Variants in TENM1 observed in about 807,000 individuals in gnomAD.
TENM1 encodes teneurin transmembrane protein 1.
In TENM1, 35 loss-of-function variants were observed where a neutral mutation model predicts 174.8. That is an observed-to-expected ratio of 0.20 (90% CI 0.15 to 0.27). TENM1 has a LOEUF of 0.27. TENM1 is among the 10% of genes least tolerant of loss of function. The probability of loss-of-function intolerance (pLI) is 1.00; values close to 1 mark genes in which losing one functional copy is unlikely to be tolerated. For missense variants in TENM1, 1,633 were observed against 2,130.1 expected, an observed-to-expected ratio of 0.77 and a Z score of 4.59; for synonymous variants, 781 against 798.7, an observed-to-expected ratio of 0.98 and a Z score of 0.37.
chrX:124,397,781 A>T (rs1446497046), intron 27 of TENM1, among the ~76,000 whole-genome samples: 1 of 108,614 alleles, frequency 9.2e-6, no homozygotes, highest in East Asian at 3.0e-4. Context: ...TATTTTTAGT[A>T]GAGACGGGGT....
intron 16 of TENM1, among the ~76,000 whole-genome samples, chrX:124,529,640 C>A (rs921350455): frequency 1.8e-5 from 2 of 111,545 alleles, no homozygotes; most frequent in African/African-American, 6.5e-5. Flanking sequence ...GGATAGAAAA[C>A]TTTTCACATG....
At chrX:124,970,974 A>C in the TENM1 span, among the ~76,000 whole-genome samples, 1 of 109,598 alleles carries the variant, frequency 9.1e-6, no homozygotes, top group Non-Finnish European at 1.9e-5. Flanking sequence ...GGATGAGTTC[A>C]TGTCCTTTGT....
At chrX:125,144,917 T>C in the TENM1 span, among the ~76,000 whole-genome samples, 1 of 109,850 alleles carries the variant, frequency 9.1e-6, no homozygotes, top group Non-Finnish European at 1.9e-5. Flanking sequence ...TAATTTTTTG[T>C]ATTTTTTTTT....
the TENM1 span, among the ~76,000 whole-genome samples, chrX:125,112,862 T>A: frequency 9.0e-6 from 1 of 111,336 alleles, no homozygotes; most frequent in Non-Finnish European, 1.9e-5. Flanking sequence ...GCTCAACTTG[T>A]TAAGATACCA....
chrX:124,934,700 A>G (rs2147729725), intron 1 of TENM1, among the ~76,000 whole-genome samples: 1 of 111,751 alleles, frequency 8.9e-6, no homozygotes, highest in Admixed American at 9.5e-5. Context: ...AGTAGAAACA[A>G]AAGGGCTATA....
chrX:124,498,900 C>T (rs1000392710), intron 19 of TENM1, among the ~76,000 whole-genome samples: 2 of 111,187 alleles, frequency 1.8e-5, no homozygotes, highest in East Asian at 5.7e-4. Flanking sequence ...TATAAGTGCT[C>T]GGTAAATGTT....
chrX:124,756,181 T>C (rs1280665341), intron 3 of TENM1, among the ~76,000 whole-genome samples: 4 of 101,224 alleles, frequency 4.0e-5, no homozygotes, highest in African/African-American at 1.3e-4. Context: ...GGAGGCTTTG[T>C]TCGTTTCTTT....
chrX:124,544,693 G>A (rs1191780278), intron 15 of TENM1, among the ~76,000 whole-genome samples: 1 of 111,856 alleles, frequency 8.9e-6, no homozygotes, highest in African/African-American at 3.2e-5. Context: ...CATTTACCTA[G>A]TATAAATTTG....
chrX:124,473,256 A>G (rs1413246481), intron 22 of TENM1, among the ~76,000 whole-genome samples: 1 of 111,679 alleles, frequency 9.0e-6, no homozygotes, highest in Non-Finnish European at 1.9e-5. Flanking sequence ...TGCCACCTAG[A>G]AACTACTAAA....
intron 2 of TENM1, among the ~76,000 whole-genome samples, chrX:124,894,630 C>T (rs2057531658): frequency 9.0e-6 from 1 of 111,665 alleles, no homozygotes; most frequent in African/African-American, 3.3e-5. Context: ...AGAAGAATAG[C>T]AGAGCCCAGT....
intron 11 of TENM1, among the ~76,000 whole-genome samples, chrX:124,576,278 T>G (rs1480982481): frequency 9.0e-6 from 1 of 111,477 alleles, no homozygotes; most frequent in Non-Finnish European, 1.9e-5. Context: ...CAGGCCGGTC[T>G]CGAACTCCTG....
chrX:124,661,528 T>C (rs2051600752), intron 6 of TENM1, among the ~76,000 whole-genome samples: 1 of 111,779 alleles, frequency 8.9e-6, no homozygotes, highest in South Asian at 3.7e-4. Context: ...GGGATGCCCA[T>C]TTTCTATATT....
At chrX:125,178,859 C>T in the TENM1 span, among the ~76,000 whole-genome samples, 20 of 110,656 alleles carry the variant, frequency 1.8e-4, no homozygotes, top group African/African-American at 5.6e-4. Flanking sequence ...ATAGTCCCAA[C>T]CACTCAGGAG....
chrX:124,623,437 TTTCTGTTTCAAATACA>T (rs1440400070), intron 11 of TENM1, among the ~76,000 whole-genome samples: 6 of 111,995 alleles, frequency 5.4e-5, no homozygotes, highest in Non-Finnish European at 1.1e-4. Flanking sequence ...AGTGTGAATC[TTTCTGTTTCAAATACA>T]TGCTTGGAGA....
At chrX:125,117,718 A>T in the TENM1 span, among the ~76,000 whole-genome samples, 1 of 111,612 alleles carries the variant, frequency 9.0e-6, no homozygotes, top group Admixed American at 9.5e-5. Context: ...AAAAGTCAAA[A>T]AAACAACAAA....
the TENM1 span, among the ~76,000 whole-genome samples, chrX:125,065,863 G>A: frequency 9.8e-5 from 11 of 111,789 alleles, no homozygotes; most frequent in Non-Finnish European, 2.1e-4. Flanking sequence ...GTGAGCATAG[G>A]CTGTGTAAAT....
the TENM1 span, among the ~76,000 whole-genome samples, chrX:125,030,953 A>G: frequency 9.0e-6 from 1 of 111,506 alleles, no homozygotes. Flanking sequence ...TATTAATTTT[A>G]ATTTTTTTCT....
intron 23 of TENM1, among the ~76,000 whole-genome samples, chrX:124,438,631 A>G (rs1366411366): frequency 1.8e-5 from 2 of 111,941 alleles, no homozygotes; most frequent in Non-Finnish European, 3.8e-5. Context: ...TTTTTGATAT[A>G]GCATTGAGCA....
At chrX:124,914,903 C>T (rs777867531) in intron 1 of TENM1, among the ~76,000 whole-genome samples, 34 of 111,619 alleles carry the variant, frequency 3.0e-4, no homozygotes, top group Non-Finnish European at 5.6e-4. Context: ...CTTTAACATG[C>T]TTTACAAAGT....
Sources: allele counts gnomAD v4.1 joint callset (sites outside exome capture counted in the v4.1 genomes callset), GRCh38; gene constraint gnomAD v4.1.1; transcripts MANE v1.5; gene names NCBI Gene and HGNC (gene_info 2026-07-23, HGNC 2026-07-21).